The following GPC4 variants were observed in gnomAD, a reference collection of about 807,000 sequenced individuals.
GPC4 encodes glypican-4.
GPC4 carries 10 observed loss-of-function variants against 35.0 expected under a neutral mutation model. The observed-to-expected ratio is 0.29, with a 90% CI of 0.18 to 0.48. GPC4 has a LOEUF of 0.48. Ranked by LOEUF, GPC4 falls within the 20% of genes least tolerant of loss-of-function variation. GPC4 has a pLI of 0.99. For synonymous variants in GPC4, 167 were observed against 170.2 expected, an observed-to-expected ratio of 0.98 and a Z score of 0.15; for missense variants, 322 against 451.3, an observed-to-expected ratio of 0.71 and a Z score of 2.60.
intron 1 of GPC4, among the ~76,000 whole-genome samples, chrX:133,413,634 C>A (rs931426505): frequency 9.0e-6 from 1 of 110,566 alleles, no homozygotes; most frequent in Admixed American, 9.5e-5. Flanking sequence ...GGCTCAGCCC[C>A]CCCCCCGGGC....
intron 1 of GPC4, among the ~76,000 whole-genome samples, chrX:133,351,816 A>G (rs1339481152): frequency 8.9e-6 from 1 of 111,937 alleles, no homozygotes; most frequent in East Asian, 2.8e-4. Flanking sequence ...CTGCCCTAAC[A>G]TTTTCCCCAA....
chrX:133,335,863 G>T (rs2068440834), intron 2 of GPC4, among the ~76,000 whole-genome samples: 1 of 112,110 alleles, frequency 8.9e-6, no homozygotes. Flanking sequence ...AAAGTTGTCT[G>T]GGGTCAAGGT....
chrX:133,317,545 A>G (rs1437280583), intron 3 of GPC4, among the ~76,000 whole-genome samples: 1 of 111,848 alleles, frequency 8.9e-6, no homozygotes, highest in Non-Finnish European at 1.9e-5. Context: ...GTAATTCAGA[A>G]CGAGCCTTAA....
Position 133,354,568 on chromosome X carries a change from AT to A in GPC4, c.161-15228del, listed in dbSNP as rs77166014. ...TATTTATTTATTTATTTATTTATTT[AT>A]TTTTTTTTTTGAGACGGAGTCTCGC... On this transcript the variant is annotated intron_variant, in intron 1 of 8. Coordinates refer to ENST00000370828, the MANE Select transcript of GPC4 (RefSeq NM_001448.3). Among the ~76,000 whole-genome samples the A allele has an allele frequency of 3.1e-3, 295 of 95,178 alleles. 2 individuals are homozygous for A. Among genetic ancestry groups the A allele is most frequent in the East Asian group, 0.027 (86 of 3,141 alleles). The allele number at this position is 95,178 out of a possible 115,157, so 82.7% of individuals were successfully genotyped here.
chrX:133,386,642 T>C (rs1269083865), intron 1 of GPC4, among the ~76,000 whole-genome samples: 1 of 111,612 alleles, frequency 9.0e-6, no homozygotes, highest in Non-Finnish European at 1.9e-5. Context: ...TGGCCTCCCT[T>C]GTTTTAAGGA....
At chrX:133,350,807 T>C (rs1199494278) in intron 1 of GPC4, among the ~76,000 whole-genome samples, 1 of 111,761 alleles carries the variant, frequency 8.9e-6, no homozygotes, top group Admixed American at 9.5e-5. Flanking sequence ...TGAGCCACAG[T>C]TGACCAGGGG....
chrX:133,388,952 CTTTTTT>C (rs759257116), intron 1 of GPC4, among the ~76,000 whole-genome samples: 1 of 53,470 alleles, frequency 1.9e-5, no homozygotes, highest in African/African-American at 6.8e-5. Flanking sequence ...TACCCATAGC[CTTTTTT>C]TTTTTTTTTT....
chrX:133,382,611 C>G (rs1478617434), intron 1 of GPC4, among the ~76,000 whole-genome samples: 2 of 108,504 alleles, frequency 1.8e-5, no homozygotes, highest in Non-Finnish European at 3.8e-5. Context: ...CACCTGTAGT[C>G]CCAGCTACTT....
At chrX:133,320,596 C>T (rs1364415587) in intron 3 of GPC4, among the ~76,000 whole-genome samples, 1 of 96,705 alleles carries the variant, frequency 1.0e-5, no homozygotes, top group African/African-American at 4.0e-5. Context: ...TGCACTCCAG[C>T]CTGGGCAGCA....
intron 1 of GPC4, among the ~76,000 whole-genome samples, chrX:133,392,672 A>C (rs1416403027): frequency 2.2e-4 from 24 of 109,730 alleles, no homozygotes; most frequent in Non-Finnish European, 3.0e-4. Flanking sequence ...AAAACAAAAA[A>C]AAAAAAAAAA....
intron 1 of GPC4, among the ~76,000 whole-genome samples, chrX:133,343,196 G>C (rs1341271885): frequency 8.9e-6 from 1 of 111,953 alleles, no homozygotes; most frequent in East Asian, 2.8e-4. Flanking sequence ...TCCAGCTGTG[G>C]AACAGCTGAG....
chrX:133,367,580 T>C (rs1384833257), intron 1 of GPC4, among the ~76,000 whole-genome samples: 1 of 112,251 alleles, frequency 8.9e-6, no homozygotes, highest in East Asian at 2.8e-4. Flanking sequence ...CTAACAATTA[T>C]ACTGAGGGCT....
At chrX:133,384,094 T>C (rs1018420137) in intron 1 of GPC4, among the ~76,000 whole-genome samples, 1 of 111,855 alleles carries the variant, frequency 8.9e-6, no homozygotes, top group African/African-American at 3.3e-5. Context: ...CCAAATGAAC[T>C]AGACAATCCC....
At chrX:133,323,007 T>C (rs2068373711) in intron 3 of GPC4, among the ~76,000 whole-genome samples, 1 of 111,338 alleles carries the variant, frequency 9.0e-6, no homozygotes, top group African/African-American at 3.3e-5. Flanking sequence ...GAAGGAGCAG[T>C]GGAACCCCTT....
At chrX:133,384,129 C>A (rs762158287) in intron 1 of GPC4, among the ~76,000 whole-genome samples, 1 of 112,050 alleles carries the variant, frequency 8.9e-6, no homozygotes, top group African/African-American at 3.2e-5. Flanking sequence ...AATGGCTATG[C>A]GCAAGATAAA....
At chrX:133,390,526 G>A (rs1441171697) in intron 1 of GPC4, among the ~76,000 whole-genome samples, 1 of 111,632 alleles carries the variant, frequency 9.0e-6, no homozygotes, top group Admixed American at 9.6e-5. Flanking sequence ...TTCCAAGGAG[G>A]GACAGGAGTT....
At chrX:133,313,080 C>T (rs2068323583) in intron 3 of GPC4, among the ~76,000 whole-genome samples, 1 of 112,163 alleles carries the variant, frequency 8.9e-6, no homozygotes, top group African/African-American at 3.2e-5. Flanking sequence ...CTAACACAGA[C>T]TTTTGGAGGC....
chrX:133,305,075 C>T (rs979211434), intron 6 of GPC4, among the ~76,000 whole-genome samples: 19 of 111,897 alleles, frequency 1.7e-4, no homozygotes, highest in African/African-American at 5.8e-4. Context: ...AAAGGAGTGG[C>T]CTAGACCCCT....
intron 1 of GPC4, among the ~76,000 whole-genome samples, chrX:133,357,677 T>C (rs1176998185): frequency 9.0e-6 from 1 of 110,938 alleles, no homozygotes; most frequent in African/African-American, 3.3e-5. Context: ...ATGCCCAGCT[T>C]AGGCTCAGTT....
Sources: allele counts gnomAD v4.1 joint callset (sites outside exome capture counted in the v4.1 genomes callset), GRCh38; gene constraint gnomAD v4.1.1; transcripts MANE v1.5; gene names NCBI Gene and HGNC (gene_info 2026-07-23, HGNC 2026-07-21).